CRLF2: variants seen among roughly 807,000 people sequenced by gnomAD.
CRLF2 encodes the protein cytokine receptor-like factor 2.
In CRLF2, 41 loss-of-function variants were observed where a neutral mutation model predicts 38.7. The observed-to-expected ratio is 1.06, with a 90% CI of 0.83 to 1.37. The LOEUF (loss-of-function observed/expected upper bound fraction) is 1.37. Among genes scored for constraint, CRLF2 ranks in the 40% most tolerant of loss-of-function variants. The pLI is 0.00. For missense variants in CRLF2, 377 were observed against 322.2 expected, an observed-to-expected ratio of 1.17 and a Z score of -1.30; for synonymous variants, 140 against 128.8, an observed-to-expected ratio of 1.09 and a Z score of -0.59.
chrX:1,198,035 G>C (rs1443109002), intron 5 of CRLF2, among the ~76,000 whole-genome samples: 2 of 152,036 alleles, frequency 1.3e-5, no homozygotes, highest in Non-Finnish European at 2.9e-5. Context: ...CCAAGTGAAA[G>C]CAGCCCGAGA....
At chrX:1,212,044 G>A (rs1367462221) in intron 1 of CRLF2, among the ~76,000 whole-genome samples, 2 of 151,656 alleles carry the variant, frequency 1.3e-5, no homozygotes, top group Admixed American at 6.6e-5. Flanking sequence ...TTGGGTGGAC[G>A]GATGGCTGGG....
intron 6 of CRLF2, among the ~76,000 whole-genome samples, chrX:1,193,781 CAAAAA>C (rs1176813644): frequency 8.5e-5 from 5 of 58,966 alleles, no homozygotes; most frequent in East Asian, 5.6e-4. Context: ...GACTCCATCT[CAAAAA>C]AAAAAAAAAA....
At chrX:1,199,408 A>G (rs1213185987) in intron 4 of CRLF2, among the ~76,000 whole-genome samples, 1 of 151,950 alleles carries the variant, frequency 6.6e-6, no homozygotes, top group Non-Finnish European at 1.5e-5. Flanking sequence ...GGGTTCAAGC[A>G]ATTCTTGTGC....
intron 2 of CRLF2, among the ~76,000 whole-genome samples, chrX:1,208,012 C>T (rs1193483637): frequency 1.3e-5 from 2 of 152,120 alleles, no homozygotes; most frequent in African/African-American, 4.8e-5. Context: ...ATCATCCACC[C>T]ATGATTAAAT....
At chrX:1,197,685 G>A (rs1327688544) in intron 5 of CRLF2, among the ~76,000 whole-genome samples, 17 of 151,952 alleles carry the variant, frequency 1.1e-4, no homozygotes, top group South Asian at 4.2e-4. Flanking sequence ...TTGGTGGTGC[G>A]TGCCTGTAGT....
Position 1,212,623 on chromosome X carries a change from C to T in CRLF2, c.12G>A (p.Leu4=). 1 of 1,612,320 alleles carries T rather than the reference C, an allele frequency of 6.2e-7. No individual in the cohort carries two copies. The highest frequency in any genetic ancestry group is 8.5e-7 in the Non-Finnish European group (1 of 1,178,860). ...AGACGGCAGCTCCCCACAGCAGAAC[C>T]AGCCGCCCCATGCCTGAAACAGGAG... is the stretch of plus-strand genomic sequence containing the variant. The part of the protein sequence containing the change: MGR[L]VLLWGAAVFL... The change falls in exon 1 of 8, where the codon CTG becomes CTA. Residue 4 remains leucine, a synonymous_variant. Coordinates refer to ENST00000400841, the MANE Select transcript of CRLF2 (RefSeq NM_022148.4).
rs748491136 is a variant in CRLF2 at position 1,198,605 on chromosome X, G to A, written c.603C>T (p.Ser201=). The A allele has an allele frequency of 5.6e-5, 90 of 1,613,528 alleles. No individual in the cohort carries two copies. Among genetic ancestry groups the A allele is most frequent in the South Asian group, 9.9e-5 (9 of 91,072 alleles). The stretch of plus-strand genomic sequence containing the variant: ...GCCAGCATGTCACCTCTGACCAGTC[G>A]CTTGGGTATGTGTCTGGCCCATATA... ...EDVYGPDTYP[S]DWSEVTCWQR... Residue 201 remains serine, a synonymous_variant, in exon 5 of 8, where the codon AGC becomes AGT. Coordinates refer to ENST00000400841, the MANE Select transcript of CRLF2 (RefSeq NM_022148.4).
chrX:1,209,287 C>T (rs866137000), intron 1 of CRLF2, among the ~76,000 whole-genome samples: 136 of 97,820 alleles, frequency 1.4e-3, no homozygotes, highest in Admixed American at 4.5e-3. Flanking sequence ...CATTGTATTG[C>T]ATTGTATTGT....
intron 1 of CRLF2, among the ~76,000 whole-genome samples, chrX:1,210,290 G>A (rs2086774836): frequency 6.6e-6 from 1 of 152,074 alleles, no homozygotes; most frequent in Non-Finnish European, 1.5e-5. Context: ...AACATGTAAT[G>A]ATATTTTGCA....
At chrX:1,207,510 C>T (rs1368501834) in intron 2 of CRLF2, among the ~76,000 whole-genome samples, 4 of 109,322 alleles carry the variant, frequency 3.7e-5, no homozygotes, top group South Asian at 4.2e-4. Context: ...CACCCCCCCC[C>T]CCCTCAGCCT....
rs750026670 is a variant in CRLF2, at chrX:1,196,878, C to T, written c.669G>A (p.Thr223=). 9.3e-6 allele frequency: 15 copies of T among 1,613,324 alleles called. No individual in the cohort carries two copies. Among genetic ancestry groups the T allele is most frequent in the Admixed American group, 1.7e-5 (1 of 59,902 alleles). ...EIRDACAETP[T]PPKPKLSKFI... is the part of the protein sequence containing the mutation. ...ATTTGGACAGCTTTGGTTTGGGAGGCGTTGGTGTCTCTGCACAGGCATCTG... is the reference window on the plus strand; with the variant it reads ...ATTTGGACAGCTTTGGTTTGGGAGGTGTTGGTGTCTCTGCACAGGCATCTG... Residue 223 remains threonine, a synonymous_variant, in exon 6 of 8, where the codon ACG becomes ACA. Transcript: ENST00000400841.
chrX:1,207,613 C>T (rs2086715899), intron 2 of CRLF2, among the ~76,000 whole-genome samples: 1 of 149,012 alleles, frequency 6.7e-6, no homozygotes, highest in African/African-American at 2.5e-5. Context: ...TCTGCAACTA[C>T]GTGCAAAATC....
At chrX:1,209,300 T>TGTAGC (rs1427462950) in intron 1 of CRLF2, among the ~76,000 whole-genome samples, 2 of 64,312 alleles carry the variant, frequency 3.1e-5, no homozygotes, top group African/African-American at 1.0e-4. Context: ...TGTATTGTAG[T>TGTAGC]GTAGTGTAGT....
intron 6 of CRLF2, among the ~76,000 whole-genome samples, chrX:1,196,306 G>C (rs2086474100): frequency 6.7e-6 from 1 of 150,256 alleles, no homozygotes; most frequent in Admixed American, 6.7e-5. Flanking sequence ...TCCTGCCTCA[G>C]CCTCCCGAGT....
intron 2 of CRLF2, among the ~76,000 whole-genome samples, chrX:1,208,343 G>A (rs2086728603): frequency 6.6e-6 from 1 of 152,140 alleles, no homozygotes; most frequent in African/African-American, 2.4e-5. Flanking sequence ...TGGATCACAT[G>A]AGGTCAGGAG....
chrX:1,197,821 A>AG (rs2086515917), intron 5 of CRLF2, among the ~76,000 whole-genome samples: 1 of 151,676 alleles, frequency 6.6e-6, no homozygotes. Context: ...CTAAAAAAAA[A>AG]TAAAAATAAA....
intron 6 of CRLF2, 36 bp downstream of exon 6, chrX:1,196,744 G>T (rs142083864): frequency 0.11 from 172,992 of 1,604,692 alleles, 9,907 homozygotes; most frequent in African/African-American, 0.17. Context: ...GTGCAAGCAG[G>T]TCCCTCCACC....
At chrX:1,204,084 T>G (rs1165229740) in intron 3 of CRLF2, among the ~76,000 whole-genome samples, 1 of 17,854 alleles carries the variant, frequency 5.6e-5, no homozygotes, top group African/African-American at 1.1e-4. Context: ...CAAGACCCTC[T>G]CTCTCAAAAA....
intron 3 of CRLF2, among the ~76,000 whole-genome samples, chrX:1,202,863 C>A (rs142908912): frequency 0.096 from 14,592 of 152,004 alleles, 965 homozygotes; most frequent in Non-Finnish European, 0.14. Context: ...AAATAAGATC[C>A]TTTAGAAGGC....
Sources: gnomAD v4.1 joint callset for allele counts (sites outside exome capture counted in the v4.1 genomes callset) on GRCh38, gnomAD v4.1.1 for gene constraint, MANE v1.5 for transcripts, NCBI Gene and HGNC (gene_info 2026-07-23, HGNC 2026-07-21) for gene names.